SMG6: variants seen among roughly 807,000 people sequenced by gnomAD.
The protein encoded by SMG6 is telomerase-binding protein EST1A.
Under a neutral mutation model 142.2 loss-of-function variants are expected in SMG6, and 66 were observed. The ratio of observed to expected loss-of-function variants is 0.46; its 90% CI spans 0.38 to 0.57. SMG6 has a LOEUF of 0.57. Ranked by LOEUF, SMG6 falls within the 20% of genes least tolerant of loss-of-function variation. The pLI is 0.00. For missense variants in SMG6, 1,793 were observed against 1,832.0 expected, an observed-to-expected ratio of 0.98 and a Z score of 0.39; for synonymous variants, 779 against 702.4, an observed-to-expected ratio of 1.11 and a Z score of -1.72.
intron 13 of SMG6, among the ~76,000 whole-genome samples, chr17:2,093,493 C>T (rs1441137806): frequency 1.3e-4 from 19 of 151,986 alleles, no homozygotes; most frequent in Non-Finnish European, 8.8e-5. Context: ...AGTAGGTGCT[C>T]GATAATTGAG....
intron 12 of SMG6, among the ~76,000 whole-genome samples, chr17:2,176,886 G>GA (rs1414306170): frequency 1.3e-5 from 2 of 152,042 alleles, no homozygotes; most frequent in African/African-American, 2.4e-5. Flanking sequence ...ACCAGGAAAG[G>GA]AAAAAAATAA....
intron 10 of SMG6, chr17:2,236,233 T>C (rs1411037098): frequency 3.3e-6 from 1 of 300,930 alleles, no homozygotes; most frequent in Non-Finnish European, 6.2e-6. Context: ...TGGCCAGATG[T>C]GCAACTGCAT....
intron 13 of SMG6, among the ~76,000 whole-genome samples, chr17:2,143,295 T>G (rs1172316342): frequency 6.6e-6 from 1 of 152,186 alleles, no homozygotes; most frequent in Non-Finnish European, 1.5e-5. Flanking sequence ...CATATCAACA[T>G]TATTCATAAT....
intron 10 of SMG6, among the ~76,000 whole-genome samples, chr17:2,190,241 G>GT (rs1597561291): frequency 1.3e-5 from 2 of 152,292 alleles, no homozygotes; most frequent in East Asian, 1.9e-4. Flanking sequence ...GAAGAAGGGA[G>GT]TAAGTCCAGA....
At chr17:2,159,844 G>A (rs2071119628) in intron 13 of SMG6, among the ~76,000 whole-genome samples, 1 of 152,156 alleles carries the variant, frequency 6.6e-6, no homozygotes, top group Admixed American at 6.5e-5. Flanking sequence ...ATAAACGACT[G>A]AAAAAATATA....
Position 2,130,266 on chromosome 17 carries a change from C to CAAAAAAAA in SMG6, c.3357+42384_3357+42391dup, listed in dbSNP as rs903007543. On this transcript the variant is annotated intron_variant, in intron 13 of 18. Coordinates refer to ENST00000263073, the MANE Select transcript of SMG6 (RefSeq NM_017575.5). ...TGGGCGACAGAGCGAGACTCCGTCT[C>CAAAAAAAA]AAAAAAAAAAAAAAAAAAGAAACAG... Among the ~76,000 whole-genome samples, 73 of 39,452 alleles carry CAAAAAAAA rather than the reference C, an allele frequency of 1.9e-3. 8 individuals are homozygous for CAAAAAAAA. Among genetic ancestry groups the CAAAAAAAA allele is most frequent in the Admixed American group, 2.5e-3 (7 of 2,854 alleles). 25.9% of individuals were successfully genotyped at this position (39,452 alleles called of 152,430 possible).
intron 12 of SMG6, among the ~76,000 whole-genome samples, chr17:2,180,459 C>A (rs1028065076): frequency 6.6e-5 from 10 of 152,184 alleles, no homozygotes; most frequent in African/African-American, 2.4e-4. Flanking sequence ...ACACACAGAT[C>A]TAATAAGTGC....
chr17:2,089,255 C>CAGAGTTTG (rs1435104529), intron 13 of SMG6, among the ~76,000 whole-genome samples: 1 of 152,098 alleles, frequency 6.6e-6, no homozygotes, highest in Non-Finnish European at 1.5e-5. Flanking sequence ...CTGGATCCTC[C>CAGAGTTTG]AGAGGAGAAA....
intron 18 of SMG6, 47 bp downstream of exon 18, chr17:2,065,026 G>T: frequency 1.4e-6 from 2 of 1,456,698 alleles, no homozygotes; most frequent in Non-Finnish European, 1.9e-6. Context: ...GTAGGATGAG[G>T]TAGGGCAGTG....
At chr17:2,169,161 C>G (rs143620277) in intron 13 of SMG6, among the ~76,000 whole-genome samples, 1 of 151,618 alleles carries the variant, frequency 6.6e-6, no homozygotes, top group African/African-American at 2.4e-5. Flanking sequence ...CCCAGCTACT[C>G]GGGAGGCTGA....
Position 2,115,801 on chromosome 17 carries a change from G to A in SMG6, c.3358-29900C>T, listed in dbSNP as rs117947741. On this transcript the variant is annotated intron_variant, in intron 13 of 18. Transcript: ENST00000263073. ...TACAGTGGCATGATCATAGTTTACT[G>A]TAGCCTCGAACTCCCGGGTCCAAGC... is the stretch of plus-strand genomic sequence containing the variant. Among the ~76,000 whole-genome samples the A allele has an allele frequency of 7.8e-3, 1,186 of 152,234 alleles. 10 individuals are homozygous for A. Among genetic ancestry groups the A allele is most frequent in the Non-Finnish European group, 0.012 (826 of 68,014 alleles).
At chr17:2,212,364 A>G (rs1038095338) in intron 10 of SMG6, among the ~76,000 whole-genome samples, 5 of 152,320 alleles carry the variant, frequency 3.3e-5, no homozygotes, top group Admixed American at 3.3e-4. Flanking sequence ...GCAGAGAGAC[A>G]GGTTGGACAG....
intron 13 of SMG6, among the ~76,000 whole-genome samples, chr17:2,099,544 A>C (rs2068949346): frequency 6.6e-6 from 1 of 152,134 alleles, no homozygotes; most frequent in African/African-American, 2.4e-5. Context: ...TAAAAAATGT[A>C]GTATGCAGAC....
intron 13 of SMG6, among the ~76,000 whole-genome samples, chr17:2,122,164 T>C (rs2131702): frequency 0.35 from 53,448 of 151,848 alleles, 10,277 homozygotes; most frequent in African/African-American, 0.51. Context: ...GGTGGATAGA[T>C]GGGGGAAGAG....
chr17:2,278,778 G>A (rs1161669873), intron 8 of SMG6, among the ~76,000 whole-genome samples: 1 of 151,922 alleles, frequency 6.6e-6, no homozygotes, highest in Non-Finnish European at 1.5e-5. Context: ...CCATAAATAT[G>A]TACAATTATT....
At chr17:2,195,305 C>T (rs569697276) in intron 10 of SMG6, among the ~76,000 whole-genome samples, 3 of 152,312 alleles carry the variant, frequency 2.0e-5, no homozygotes, top group African/African-American at 4.8e-5. Flanking sequence ...CACCCTCTCC[C>T]ACCTCCACAC....
chr17:2,219,077 T>C (rs982196525), intron 10 of SMG6, among the ~76,000 whole-genome samples: 4 of 152,188 alleles, frequency 2.6e-5, no homozygotes, highest in South Asian at 4.1e-4. Context: ...TGCCAAAGAC[T>C]GTAAAAAATT....
At chr17:2,186,193 G>C (rs2071977112) in intron 12 of SMG6, among the ~76,000 whole-genome samples, 1 of 150,844 alleles carries the variant, frequency 6.6e-6, no homozygotes, top group Non-Finnish European at 1.5e-5. Flanking sequence ...CTGCACTCCA[G>C]CCTGGGTGAG....
intron 11 of SMG6, among the ~76,000 whole-genome samples, chr17:2,188,067 A>G (rs2072046343): frequency 1.3e-5 from 2 of 152,180 alleles, no homozygotes; most frequent in African/African-American, 2.4e-5. Flanking sequence ...GATAAAGGGG[A>G]AAACACAACG....
Sources: gnomAD v4.1 joint callset for allele counts (sites outside exome capture counted in the v4.1 genomes callset) on GRCh38, gnomAD v4.1.1 for gene constraint, MANE v1.5 for transcripts, NCBI Gene and HGNC (gene_info 2026-07-23, HGNC 2026-07-21) for gene names.